Variants in PELI1 observed in about 807,000 individuals in gnomAD.
PELI1 encodes the protein pellino E3 ubiquitin protein ligase 1, also known as E3 ubiquitin-protein ligase pellino homolog 1.
A neutral mutation model predicts 41.3 loss-of-function variants in PELI1; 15 were observed. The ratio of observed to expected loss-of-function variants is 0.36; its 90% CI spans 0.24 to 0.56. The LOEUF is 0.56. Among genes scored for constraint, PELI1 ranks in the 20% least tolerant of loss-of-function variants. The pLI is 0.82. For missense variants in PELI1, 403 were observed against 525.5 expected (o/e 0.77, Z 2.28); for synonymous variants, 178 against 180.1 (o/e 0.99, Z 0.09).
chr2:64,099,613 C>A (rs893118584), intron 4 of PELI1, among the ~76,000 whole-genome samples: 2 of 152,100 alleles, frequency 1.3e-5, no homozygotes, highest in African/African-American at 2.4e-5. Flanking sequence ...ATTTCCAGGT[C>A]TTTTCACTTT....
intron 1 of PELI1, among the ~76,000 whole-genome samples, chr2:64,137,628 A>G (rs1046782020): frequency 1.3e-5 from 2 of 152,186 alleles, no homozygotes; most frequent in Non-Finnish European, 2.9e-5. Flanking sequence ...ATTCCTTTTT[A>G]GTCTATGGGT....
At chr2:64,128,482 C>T (rs1681459350) in intron 1 of PELI1, among the ~76,000 whole-genome samples, 1 of 151,990 alleles carries the variant, frequency 6.6e-6, no homozygotes, top group Non-Finnish European at 1.5e-5. Context: ...ATCTTAATTG[C>T]CACAAACATT....
At chr2:64,139,161 T>A (rs1356619981) in intron 1 of PELI1, among the ~76,000 whole-genome samples, 1 of 152,240 alleles carries the variant, frequency 6.6e-6, no homozygotes, top group Non-Finnish European at 1.5e-5. Flanking sequence ...TACAGTTAGT[T>A]TGCTCAAAGC....
chr2:64,133,980 T>G (rs752464031), intron 1 of PELI1, among the ~76,000 whole-genome samples: 6 of 152,100 alleles, frequency 3.9e-5, no homozygotes, highest in Non-Finnish European at 5.9e-5. Context: ...TCTTACTTCA[T>G]GTAGAGTTTT....
Position 64,108,725 on chromosome 2 carries a change from T to C in PELI1, c.-69-346A>G, listed in dbSNP as rs563497747. On this transcript the variant is annotated intron_variant, in intron 1 of 6. Coordinates refer to ENST00000358912, the MANE Select transcript of PELI1 (RefSeq NM_020651.4). ...ACTAAGTAAGGGACCTCAGGACCCA[T>C]GGAATGACACGGTGGTGTAAATTCT... Among the ~76,000 whole-genome samples the C allele has an allele frequency of 4.6e-5, 7 of 152,292 alleles. No individual in the cohort carries two copies. In the South Asian group the frequency reaches 1.4e-3, roughly 32 times the overall value.
intron 1 of PELI1, chr2:64,143,184 A>G (rs1265977519): frequency 6.6e-6 from 1 of 152,254 alleles, no homozygotes; most frequent in Non-Finnish European, 1.5e-5. Context: ...GTACAAAAAT[A>G]AAAGTAGATG....
chr2:64,125,759 G>A (rs1681362523), intron 1 of PELI1, among the ~76,000 whole-genome samples: 1 of 152,194 alleles, frequency 6.6e-6, no homozygotes. Flanking sequence ...GATTAGTACA[G>A]GTTGAACAAC....
chr2:64,122,563 T>G (rs1681259360), intron 1 of PELI1, among the ~76,000 whole-genome samples: 1 of 152,098 alleles, frequency 6.6e-6, no homozygotes, highest in South Asian at 2.1e-4. Context: ...TTCGTCACAG[T>G]CCCTTTACCT....
At chr2:64,130,043 C>G (rs1314638337) in intron 1 of PELI1, among the ~76,000 whole-genome samples, 6 of 151,972 alleles carry the variant, frequency 3.9e-5, no homozygotes, top group Non-Finnish European at 8.8e-5. Flanking sequence ...TTGATGTGTC[C>G]CAATAAGCTA....
intron 1 of PELI1, among the ~76,000 whole-genome samples, chr2:64,115,385 CAACCTTGGGGT>C (rs1680959578): frequency 6.6e-6 from 1 of 152,188 alleles, no homozygotes; most frequent in Admixed American, 6.5e-5. Flanking sequence ...CAATTTGAAT[CAACCTTGGGGT>C]AAGGTCTATC....
chr2:64,129,620 G>C (rs1681492145), intron 1 of PELI1, among the ~76,000 whole-genome samples: 1 of 151,956 alleles, frequency 6.6e-6, no homozygotes, highest in Non-Finnish European at 1.5e-5. Context: ...TTGTGATTAT[G>C]AAATGTTCTT....
At chr2:64,102,467 T>C (rs1680475750) in intron 3 of PELI1, among the ~76,000 whole-genome samples, 1 of 152,174 alleles carries the variant, frequency 6.6e-6, no homozygotes, top group Non-Finnish European at 1.5e-5. Context: ...TAAACTCCTG[T>C]GCTCAAGTGA....
chr2:64,113,964 T>C (rs2103702467), intron 1 of PELI1, among the ~76,000 whole-genome samples: 1 of 151,964 alleles, frequency 6.6e-6, no homozygotes, highest in Middle Eastern at 3.4e-3. Context: ...AAGTACAAAA[T>C]TCCTGCCCTA....
intron 1 of PELI1, among the ~76,000 whole-genome samples, chr2:64,126,088 T>C (rs1047394143): frequency 6.6e-6 from 1 of 152,232 alleles, no homozygotes; most frequent in African/African-American, 2.4e-5. Context: ...TGATTTCTTC[T>C]ATTAATAACC....
At position 64,144,384 on chromosome 2, in the gene PELI1, C is replaced by G. The variant is rs1353842954; in HGVS notation, c.-373G>C. 2 of 152,248 alleles carry G rather than the reference C, an allele frequency of 1.3e-5. No individual in the cohort carries two copies. Among genetic ancestry groups the G allele is most frequent in the African/African-American group, 4.8e-5 (2 of 41,384 alleles). The allele number at this position is 152,248 out of a possible 1,614,324, so 9.4% of individuals were successfully genotyped here. A position where few individuals can be genotyped will look rare whatever the true frequency, so the allele number is the denominator to read the frequency against. On this transcript the variant is annotated 5_prime_UTR_variant, in exon 1 of 7. Coordinates refer to ENST00000358912, the MANE Select transcript of PELI1 (RefSeq NM_020651.4). ...TAGTGGAGGCGGCGGCGGCGCCCCC[C>G]GACGGTCCCTCCGCCTCACACCGCC...
intron 3 of PELI1, among the ~76,000 whole-genome samples, chr2:64,101,752 T>C (rs970914801): frequency 6.6e-6 from 1 of 151,928 alleles, no homozygotes; most frequent in Non-Finnish European, 1.5e-5. Flanking sequence ...AAATACCCTA[T>C]TTCCAAATAT....
chr2:64,141,443 T>C (rs1681912073), intron 1 of PELI1, among the ~76,000 whole-genome samples: 1 of 152,164 alleles, frequency 6.6e-6, no homozygotes, highest in Non-Finnish European at 1.5e-5. Context: ...AATACTAGGA[T>C]AGGTCTACAT....
intron 1 of PELI1, among the ~76,000 whole-genome samples, chr2:64,117,872 C>A (rs918981183): frequency 1.3e-5 from 2 of 151,432 alleles, no homozygotes; most frequent in Non-Finnish European, 2.9e-5. Flanking sequence ...TGGAGTGGAG[C>A]GATCTCAGCT....
Position 64,094,861 on chromosome 2 carries a change from C to A in PELI1, c.1098G>T (p.Pro366=), listed in dbSNP as rs150389751. The change falls in exon 7 of 7, where the codon CCG becomes CCT. Residue 366 remains proline, a synonymous_variant. Transcript: ENST00000358912. ...DAGPPTHAFS[P]CGHVCSEKTT... is the part of the protein sequence containing the mutation. The stretch of plus-strand genomic sequence containing the variant: ...TCTTTTCTGAACACACATGCCCACA[C>A]GGGCTAAACGCATGGGTTGGAGGGC... The A allele has an allele frequency of 3.1e-6, 5 of 1,614,142 alleles. No individual in the cohort carries two copies. In the East Asian group the frequency reaches 6.7e-5, roughly 22 times the overall value.
Sources: allele counts gnomAD v4.1 joint callset (sites outside exome capture counted in the v4.1 genomes callset), GRCh38; gene constraint gnomAD v4.1.1; transcripts MANE v1.5; gene names NCBI Gene and HGNC (gene_info 2026-07-23, HGNC 2026-07-21).